The following OCLN variants were observed in gnomAD, a reference collection of about 807,000 sequenced individuals.
OCLN encodes phosphatase 1, regulatory subunit 115.
In OCLN, 21 loss-of-function variants were observed where a neutral mutation model predicts 47.9. The ratio of observed to expected loss-of-function variants is 0.44; its 90% confidence interval spans 0.31 to 0.63. OCLN has a LOEUF of 0.63. Among genes scored for constraint, OCLN ranks in the 30% least tolerant of loss-of-function variants. The probability of loss-of-function intolerance (pLI) is 0.08; values close to 1 mark genes in which losing one functional copy is unlikely to be tolerated. For missense variants in OCLN, 360 were observed against 571.0 expected, an observed-to-expected ratio of 0.63 and a Z score of 3.77; for synonymous variants, 117 against 198.4, an observed-to-expected ratio of 0.59 and a Z score of 3.45.
At chr5:69,502,117 T>C (rs368623612) in intron 1 of OCLN, among the ~76,000 whole-genome samples, 1 of 151,794 alleles carries the variant, frequency 6.6e-6, no homozygotes, top group Non-Finnish European at 1.5e-5. Context: ...GAGAATCGCT[T>C]GAAGCCGGGA....
intron 4 of OCLN, among the ~76,000 whole-genome samples, chr5:69,516,231 C>G: frequency 6.6e-6 from 1 of 152,202 alleles, no homozygotes; most frequent in Non-Finnish European, 1.5e-5. Context: ...GAACCAGACT[C>G]CGTCTGCAAT....
intron 4 of OCLN, among the ~76,000 whole-genome samples, chr5:69,515,240 G>A (rs1451588975): frequency 7.0e-6 from 1 of 143,478 alleles, no homozygotes; most frequent in African/African-American, 2.6e-5. Context: ...GGGCAGAGGC[G>A]CCCCTAACCT....
chr5:69,505,671 T>C (rs1355193830), intron 2 of OCLN, among the ~76,000 whole-genome samples: 5 of 152,220 alleles, frequency 3.3e-5, no homozygotes, highest in African/African-American at 9.6e-5. Flanking sequence ...TGAAGACTTA[T>C]CAGTGAATTT....
intron 4 of OCLN, among the ~76,000 whole-genome samples, chr5:69,517,056 G>T (rs942436854): frequency 6.6e-6 from 1 of 152,070 alleles, no homozygotes; most frequent in Admixed American, 6.6e-5. Flanking sequence ...GTGAGACCCT[G>T]TCTCGGAAAA....
At position 69,514,058 on chromosome 5, in the gene OCLN, G is replaced by T. The variant is rs1768858367; in HGVS notation, c.840G>T (p.Leu280Phe). 1 of 1,613,970 alleles carries T rather than the reference G, an allele frequency of 6.2e-7. No homozygotes were observed. The highest frequency in any genetic ancestry group is 1.3e-5 in the African/African-American group (1 of 74,928). Residue 280 changes from leucine to phenylalanine, a missense_variant, in exon 4 of 9, where the codon TTG becomes TTT. Transcript: ENST00000396442. Reference protein sequence around the residue: ...KMDRYDKSNILWDKEHIYDEQ... With the variant: ...KMDRYDKSNIFWDKEHIYDEQ... Reference sequence around the variant, plus strand: ...ACAGGTATGACAAGTCCAATATTTTGTGGGACAAGGAACACATTTATGATG... The same window carrying T: ...ACAGGTATGACAAGTCCAATATTTTTTGGGACAAGGAACACATTTATGATG...
In OCLN at chr5:69,493,311, G is replaced by A. The variant is rs1342828324; in HGVS notation, c.-69+411G>A. Among the ~76,000 whole-genome samples the A allele has an allele frequency of 6.6e-6, 1 of 152,014 alleles. No individual in the cohort carries two copies. The highest frequency in any genetic ancestry group is 2.4e-5 in the African/African-American group (1 of 41,406). ...AGGGATCCTGCGCCCAGCTCCTTGG[G>A]GGTCCTAAGCCTGAGGCTGCAGCGA... On this transcript the variant is annotated intron_variant, in intron 1 of 8. Transcript: ENST00000396442. This position sits in a 1 kb window ranked among gnomAD's most constrained non-coding sequence, Gnocchi z 5.3.
rs922380760 is a variant in OCLN at position 69,508,152 on chromosome 5, C to T, written c.51-989C>T. 5.9e-5 allele frequency among the ~76,000 whole-genome samples: 9 copies of T among 152,122 alleles called. No homozygotes were observed. In the South Asian group the frequency reaches 1.0e-3, roughly 18 times the overall value. On this transcript the variant is annotated intron_variant, in intron 2 of 8. Coordinates refer to ENST00000396442, the MANE Select transcript of OCLN (RefSeq NM_001205254.2). ...CTGGGTTCAAGGGATTCTTGATTTT[C>T]GTGCCTCAGCCTCCCAAGTAAGTGG...
At chr5:69,515,778 G>T (rs1479537104) in intron 4 of OCLN, among the ~76,000 whole-genome samples, 3 of 151,086 alleles carry the variant, frequency 2.0e-5, no homozygotes, top group Non-Finnish European at 4.4e-5. Context: ...TCACTTCTCA[G>T]ACGGGGCGGC....
chr5:69,549,273 G>A lies in OCLN; in HGVS notation c.1425+1172G>A, dbSNP rs1277409548. 7.2e-4 allele frequency among the ~76,000 whole-genome samples: 91 copies of A among 126,676 alleles called. 1 individual carries two copies. The highest frequency in any genetic ancestry group is 1.2e-3 in the Non-Finnish European group (75 of 60,424). 83.1% of individuals were successfully genotyped at this position (126,676 alleles called of 152,430 possible). On this transcript the variant is annotated intron_variant, in intron 7 of 8. Transcript: ENST00000396442. Reference sequence around the variant, plus strand: ...GGAGAATGGTGTGAACCCAGGAGGCGGAGCTTGCAGTGAGCCAAGATCGCG... The same window carrying A: ...GGAGAATGGTGTGAACCCAGGAGGCAGAGCTTGCAGTGAGCCAAGATCGCG...
intron 4 of OCLN, among the ~76,000 whole-genome samples, chr5:69,520,489 C>T (rs1056458793): frequency 1.0e-4 from 15 of 149,396 alleles, no homozygotes; most frequent in South Asian, 2.1e-4. Context: ...TTAGTAGAGA[C>T]GGGGTTTCAC....
At chr5:69,530,177 GA>G (rs34582817) in intron 4 of OCLN, among the ~76,000 whole-genome samples, 4 of 150,812 alleles carry the variant, frequency 2.7e-5, no homozygotes, top group South Asian at 2.1e-4. Context: ...CATCTCTTAA[GA>G]AAAAAAAATC....
intron 2 of OCLN, among the ~76,000 whole-genome samples, chr5:69,507,693 C>T (rs1269344254): frequency 6.6e-6 from 1 of 151,988 alleles, no homozygotes; most frequent in Non-Finnish European, 1.5e-5. Context: ...GCAACCTCCA[C>T]CTCCTGGGTT....
Position 69,504,724 on chromosome 5 carries a change from C to T in OCLN, c.50+430C>T, listed in dbSNP as rs928980882. Reference sequence around the variant, plus strand: ...GGCCGAGGCTGGCGGATCACAAGGTCAAGAGATCGAGACCATCCTGGCCAA... The same window carrying T: ...GGCCGAGGCTGGCGGATCACAAGGTTAAGAGATCGAGACCATCCTGGCCAA... On this transcript the variant is annotated intron_variant, in intron 2 of 8. Coordinates refer to ENST00000396442, the MANE Select transcript of OCLN (RefSeq NM_001205254.2). Among the ~76,000 whole-genome samples the T allele has an allele frequency of 4.0e-5, 6 of 148,662 alleles. No individual in the cohort carries two copies. The South Asian group carries it at 1.3e-3, about 32-fold the overall frequency.
chr5:69,512,015 C>T (rs986385618), intron 3 of OCLN, among the ~76,000 whole-genome samples: 2 of 117,296 alleles, frequency 1.7e-5, no homozygotes, highest in African/African-American at 6.8e-5. Flanking sequence ...AAGAGCAAAA[C>T]TCTGTCTCAA....
At chr5:69,528,413 G>GGTGACTA (rs1283819807) in intron 4 of OCLN, among the ~76,000 whole-genome samples, 5 of 52,420 alleles carry the variant, frequency 9.5e-5, no homozygotes, top group Middle Eastern at 8.8e-3. Context: ...ACAAAGGCAT[G>GGTGACTA]AAACATACTC....
chr5:69,501,001 C>T (rs1768444072), intron 1 of OCLN, among the ~76,000 whole-genome samples: 1 of 152,106 alleles, frequency 6.6e-6, no homozygotes, highest in South Asian at 2.1e-4. Context: ...TCACTGCAAC[C>T]TCCACCTCGG....
At chr5:69,523,825 C>T (rs1046894822) in intron 4 of OCLN, among the ~76,000 whole-genome samples, 4 of 152,012 alleles carry the variant, frequency 2.6e-5, no homozygotes, top group South Asian at 2.1e-4. Context: ...TGTAAGCCAC[C>T]GTGCCCGGCC....
At chr5:69,517,111 A>G (rs1378042987) in intron 4 of OCLN, among the ~76,000 whole-genome samples, 1 of 151,930 alleles carries the variant, frequency 6.6e-6, no homozygotes, top group East Asian at 1.9e-4. Flanking sequence ...TTTCTAAGAA[A>G]TCCTGTTAGG....
intron 4 of OCLN, among the ~76,000 whole-genome samples, chr5:69,522,249 C>T (rs185748823): frequency 4.6e-5 from 7 of 152,200 alleles, no homozygotes; most frequent in East Asian, 1.9e-4. Context: ...CCTGTAGTTT[C>T]GTTGGTATTT....
Sources: allele counts gnomAD v4.1 joint callset (sites outside exome capture counted in the v4.1 genomes callset), GRCh38; gene constraint gnomAD v4.1.1; non-coding constraint Gnocchi (gnomAD v3.1); transcripts MANE v1.5; gene names NCBI Gene and HGNC (gene_info 2026-07-23, HGNC 2026-07-21).